The following XKR9 variants were observed in gnomAD, a reference collection of about 807,000 sequenced individuals.
XKR9 encodes the protein XK-related protein 9.
In XKR9, 32 loss-of-function variants were observed where a neutral mutation model predicts 32.0. The ratio of observed to expected loss-of-function variants is 1.00; its 90% CI spans 0.76 to 1.34. The LOEUF (loss-of-function observed/expected upper bound fraction) is 1.34, where lower values mean the gene tolerates loss of function less well. Ranked by LOEUF, XKR9 falls within the 40% of genes most tolerant of loss-of-function variation. XKR9 has a pLI of 0.00. For missense variants in XKR9, 546 were observed against 429.7 expected, an observed-to-expected ratio of 1.27 and a Z score of -2.39; for synonymous variants, 168 against 143.4, an observed-to-expected ratio of 1.17 and a Z score of -1.22.
At chr8:70,815,214 T>C in the XKR9 span, among the ~76,000 whole-genome samples, 1 of 152,172 alleles carries the variant, frequency 6.6e-6, no homozygotes, top group East Asian at 1.9e-4. Context: ...AGGTTTGTTA[T>C]ATAGGTAAAC....
intron 4 of XKR9, among the ~76,000 whole-genome samples, chr8:70,732,580 G>C (rs1806708540): frequency 6.6e-6 from 1 of 152,186 alleles, no homozygotes; most frequent in Admixed American, 6.5e-5. Context: ...GCTGCTGCAT[G>C]GACAGAATCA....
At chr8:70,791,492 C>T (rs572126981), downstream of XKR9, among the ~76,000 whole-genome samples, 9 of 152,168 alleles carry the variant, frequency 5.9e-5, no homozygotes, top group South Asian at 1.5e-3. Flanking sequence ...GATTAGGCCA[C>T]GAGGGCTTTG....
At chr8:70,955,631 C>A in the XKR9 span, among the ~76,000 whole-genome samples, 14 of 152,338 alleles carry the variant, frequency 9.2e-5, no homozygotes, top group South Asian at 6.2e-4. Context: ...CCTGTGGGGC[C>A]AGTGGCCCCT....
chr8:70,851,962 A>C, the XKR9 span, among the ~76,000 whole-genome samples: 2 of 152,368 alleles, frequency 1.3e-5, no homozygotes, highest in South Asian at 4.1e-4. Context: ...GAGCTTCTGC[A>C]CAGCAAAAGA....
At chr8:70,810,043 A>G in the XKR9 span, among the ~76,000 whole-genome samples, 2 of 152,208 alleles carry the variant, frequency 1.3e-5, no homozygotes, top group African/African-American at 4.8e-5. Context: ...CCAGAGAGAA[A>G]GGTGGGGTTA....
chr8:70,876,282 T>C, the XKR9 span, among the ~76,000 whole-genome samples: 56 of 146,450 alleles, frequency 3.8e-4, no homozygotes, highest in African/African-American at 1.2e-3. Context: ...AGGGCAGTGG[T>C]GTGATCTCAG....
chr8:70,971,245 T>C, the XKR9 span, among the ~76,000 whole-genome samples: 1 of 152,228 alleles, frequency 6.6e-6, no homozygotes, highest in Non-Finnish European at 1.5e-5. Flanking sequence ...CATATGCTTG[T>C]TGTCCATTTG....
chr8:70,938,204 C>A, the XKR9 span, among the ~76,000 whole-genome samples: 1 of 151,852 alleles, frequency 6.6e-6, no homozygotes, highest in Non-Finnish European at 1.5e-5. Context: ...CAGGAGAGGA[C>A]ATTCCCAGGT....
intron 2 of XKR9, among the ~76,000 whole-genome samples, chr8:70,759,095 C>G (rs1254930898): frequency 6.6e-6 from 1 of 152,196 alleles, no homozygotes; most frequent in Non-Finnish European, 1.5e-5. Context: ...AGTGCCCGGA[C>G]TATACAGGGA....
the XKR9 span, among the ~76,000 whole-genome samples, chr8:71,048,879 A>G: frequency 1.3e-4 from 20 of 152,308 alleles, 1 homozygote; most frequent in South Asian, 3.3e-3. Flanking sequence ...ATGAAATACA[A>G]TTTTTATTTG....
the XKR9 span, among the ~76,000 whole-genome samples, chr8:70,868,500 C>A: frequency 6.6e-6 from 1 of 152,104 alleles, no homozygotes; most frequent in East Asian, 1.9e-4. Flanking sequence ...AGCTATGGCC[C>A]GAGCTCTACA....
the XKR9 span, among the ~76,000 whole-genome samples, chr8:70,960,210 A>G: frequency 6.6e-6 from 1 of 151,946 alleles, no homozygotes; most frequent in Admixed American, 6.6e-5. Flanking sequence ...ACGCCATTGC[A>G]CTTCAGCCTG....
chr8:70,810,960 C>G, the XKR9 span, among the ~76,000 whole-genome samples: 1 of 152,074 alleles, frequency 6.6e-6, no homozygotes, highest in Non-Finnish European at 1.5e-5. Flanking sequence ...TCTACAGAAG[C>G]CTCCACCCCA....
chr8:71,001,819 TTACATTAACATTAG>T, the XKR9 span, among the ~76,000 whole-genome samples: 4 of 152,208 alleles, frequency 2.6e-5, no homozygotes, highest in East Asian at 7.7e-4. Context: ...ATTGTTAATG[TTACATTAACATTAG>T]TAACAGAAGA....
the XKR9 span, among the ~76,000 whole-genome samples, chr8:70,832,544 T>G: frequency 5.3e-5 from 8 of 152,296 alleles, no homozygotes; most frequent in East Asian, 1.5e-3. Context: ...AAAGTGGTTT[T>G]GTTGTAGCAG....
intron 2 of XKR9, among the ~76,000 whole-genome samples, chr8:70,677,664 C>T (rs1818929322): frequency 6.6e-6 from 1 of 152,122 alleles, no homozygotes; most frequent in Admixed American, 6.6e-5. Flanking sequence ...TGGGTAGGAC[C>T]TAAGCATTGG....
chr8:71,049,908 A>T, the XKR9 span, among the ~76,000 whole-genome samples: 1 of 152,228 alleles, frequency 6.6e-6, no homozygotes, highest in African/African-American at 2.4e-5. Flanking sequence ...TATTAAAATG[A>T]TATAAAACAA....
At chr8:70,940,235 A>C in the XKR9 span, among the ~76,000 whole-genome samples, 1 of 152,066 alleles carries the variant, frequency 6.6e-6, no homozygotes, top group African/African-American at 2.4e-5. Context: ...GTCTGGTCCC[A>C]GTTCTTTCCA....
chr8:70,841,280 T>C, the XKR9 span, among the ~76,000 whole-genome samples: 4 of 152,206 alleles, frequency 2.6e-5, no homozygotes, highest in African/African-American at 9.6e-5. Flanking sequence ...TTCTGCTTAT[T>C]TGAGTACTTA....
Sources: gnomAD v4.1 joint callset for allele counts (sites outside exome capture counted in the v4.1 genomes callset) on GRCh38, gnomAD v4.1.1 for gene constraint, MANE v1.5 for transcripts, NCBI Gene and HGNC (gene_info 2026-07-23, HGNC 2026-07-21) for gene names.